The following ADGRA3 variants were observed in gnomAD, a reference collection of about 807,000 sequenced individuals.
The protein encoded by ADGRA3 is G-protein coupled receptor 125.
ADGRA3 carries 56 observed loss-of-function variants against 119.8 expected under a neutral mutation model. The ratio of observed to expected loss-of-function variants is 0.47; its 90% CI spans 0.38 to 0.58. ADGRA3 has a LOEUF of 0.58. Among genes scored for constraint, ADGRA3 ranks in the 20% least tolerant of loss-of-function variants. The pLI is 0.00. For missense variants in ADGRA3, 1,516 were observed against 1,649.0 expected (o/e 0.92, Z 1.40); for synonymous variants, 607 against 623.8 (o/e 0.97, Z 0.40).
chr4:22,403,297 A>G (rs945911935), intron 14 of ADGRA3, among the ~76,000 whole-genome samples: 1 of 152,078 alleles, frequency 6.6e-6, no homozygotes, highest in Non-Finnish European at 1.5e-5. Context: ...AGGGCATTGG[A>G]GACATAACGG....
chr4:22,507,651 G>A (rs980446307), intron 1 of ADGRA3, among the ~76,000 whole-genome samples: 9 of 152,184 alleles, frequency 5.9e-5, no homozygotes, highest in African/African-American at 2.2e-4. Flanking sequence ...ACTCCAAGCA[G>A]GCAAGAAACA....
At chr4:22,400,374 G>C (rs1370319549) in intron 16 of ADGRA3, among the ~76,000 whole-genome samples, 1 of 152,052 alleles carries the variant, frequency 6.6e-6, no homozygotes, top group East Asian at 1.9e-4. Flanking sequence ...ATAAAAAAGA[G>C]GAAAATCATA....
chr4:22,459,361 A>G (rs1053871907), intron 3 of ADGRA3, among the ~76,000 whole-genome samples: 12 of 152,144 alleles, frequency 7.9e-5, no homozygotes, highest in African/African-American at 2.9e-4. Flanking sequence ...AAAAACAACT[A>G]ATGAGTACTA....
At chr4:22,413,983 C>A in intron 12 of ADGRA3, 169 bp from the exon 13 acceptor site, 1 of 533,376 alleles carries the variant, frequency 1.9e-6, no homozygotes, top group Non-Finnish European at 3.3e-6. Context: ...GAAATGTCAA[C>A]ACCACATAAC....
chr4:22,505,709 A>G (rs1199569014), intron 1 of ADGRA3, among the ~76,000 whole-genome samples: 2 of 152,082 alleles, frequency 1.3e-5, no homozygotes, highest in African/African-American at 4.8e-5. Context: ...TTAGCAGAGT[A>G]TAACAATAGA....
At chr4:22,428,580 C>G (rs368294685) in intron 10 of ADGRA3, among the ~76,000 whole-genome samples, 13 of 152,184 alleles carry the variant, frequency 8.5e-5, no homozygotes, top group African/African-American at 3.1e-4. Context: ...ATAGAGGAAC[C>G]TACATTATCA....
At chr4:22,512,340 C>G (rs1420495823) in intron 1 of ADGRA3, among the ~76,000 whole-genome samples, 3 of 152,100 alleles carry the variant, frequency 2.0e-5, no homozygotes, top group Non-Finnish European at 4.4e-5. Flanking sequence ...ATTGACCATA[C>G]TGTTCTGAGA....
chr4:22,512,695 G>T (rs1347034895), intron 1 of ADGRA3, among the ~76,000 whole-genome samples: 1 of 152,188 alleles, frequency 6.6e-6, no homozygotes, highest in East Asian at 1.9e-4. Flanking sequence ...AGGAAAACCA[G>T]AAGATGAGAG....
At chr4:22,513,819 T>A (rs948994868) in intron 1 of ADGRA3, among the ~76,000 whole-genome samples, 1 of 141,676 alleles carries the variant, frequency 7.1e-6, no homozygotes, top group Non-Finnish European at 1.5e-5. Flanking sequence ...AACCTTAACT[T>A]TATTTTCATC....
chr4:22,424,206 A>C lies in ADGRA3; in HGVS notation c.1590T>G (p.Ala530=). Reference sequence around the variant, plus strand: ...TTACACTTACTGTTGAATAAACGTGAGCTCCACCGGCTAGCCGGTAGGTAG... The same window carrying C: ...TTACACTTACTGTTGAATAAACGTGCGCTCCACCGGCTAGCCGGTAGGTAG... The part of the protein sequence containing the change: ...RIATYRLAGG[A]HVYSTYSPNI... The change falls in exon 11 of 19, where the codon GCT becomes GCG. Residue 530 remains alanine (A), a synonymous_variant. Coordinates refer to ENST00000334304, the MANE Select transcript of ADGRA3 (RefSeq NM_145290.4). The C allele has an allele frequency of 6.2e-7, 1 of 1,610,870 alleles. No individual in the cohort carries two copies. Among genetic ancestry groups the C allele is most frequent in the African/African-American group, 1.3e-5 (1 of 74,994 alleles).
At chr4:22,469,516 TA>T (rs1717782342) in intron 2 of ADGRA3, among the ~76,000 whole-genome samples, 1 of 152,212 alleles carries the variant, frequency 6.6e-6, no homozygotes, top group Non-Finnish European at 1.5e-5. Flanking sequence ...CATCACCATC[TA>T]CAGCTTTAAG....
At chr4:22,456,293 T>C (rs1443909193) in intron 3 of ADGRA3, among the ~76,000 whole-genome samples, 1 of 152,132 alleles carries the variant, frequency 6.6e-6, no homozygotes, top group African/African-American at 2.4e-5. Context: ...GGTTTGGGTG[T>C]GTCTGTGAGG....
rs556464821 is a variant in ADGRA3 at position 22,412,763 on chromosome 4, C to T, written c.2232+419G>A. Among the ~76,000 whole-genome samples, 20 of 152,226 alleles carry T rather than the reference C, an allele frequency of 1.3e-4. No homozygotes were observed. The South Asian group carries it at 4.1e-3, about 32-fold the overall frequency. ...GATTAATTCTAAATTTAAATAGAGTCTAACAATTACGACATGTAGTGGGAA... is the reference window on the plus strand; with the variant it reads ...GATTAATTCTAAATTTAAATAGAGTTTAACAATTACGACATGTAGTGGGAA... On this transcript the variant is annotated intron_variant, in intron 14 of 18. Coordinates refer to ENST00000334304, the MANE Select transcript of ADGRA3 (RefSeq NM_145290.4).
intron 1 of ADGRA3, among the ~76,000 whole-genome samples, chr4:22,489,213 A>C (rs752355243): frequency 9.9e-5 from 15 of 152,178 alleles, no homozygotes; most frequent in Non-Finnish European, 8.8e-5. Context: ...AAACCGTCAG[A>C]TCTCATGAGA....
chr4:22,476,729 C>A (rs769754913), intron 1 of ADGRA3, among the ~76,000 whole-genome samples: 1 of 151,514 alleles, frequency 6.6e-6, no homozygotes. Flanking sequence ...TACAGTGGCA[C>A]GATCTCAATT....
chr4:22,495,445 T>G (rs556211183), intron 1 of ADGRA3, among the ~76,000 whole-genome samples: 208 of 152,138 alleles, frequency 1.4e-3, no homozygotes, highest in Non-Finnish European at 2.6e-3. Flanking sequence ...TTCTGGAATT[T>G]TCCATTTAAC....
intron 14 of ADGRA3, among the ~76,000 whole-genome samples, chr4:22,405,438 T>C (rs1340895234): frequency 6.6e-6 from 1 of 151,460 alleles, no homozygotes; most frequent in South Asian, 2.1e-4. Context: ...CCCAGCTACT[T>C]GGGAGGCTGA....
chr4:22,450,477 G>A (rs181858054), intron 4 of ADGRA3, among the ~76,000 whole-genome samples: 10 of 152,040 alleles, frequency 6.6e-5, no homozygotes, highest in Admixed American at 6.6e-4. Context: ...TGTTAGCCAG[G>A]CTGGTCTCGA....
At position 22,441,587 on chromosome 4, in the gene ADGRA3, A is replaced by T. The variant is rs371070876; in HGVS notation, c.920+1063T>A. Among the ~76,000 whole-genome samples the T allele has an allele frequency of 3.9e-5, 6 of 152,312 alleles. No individual in the cohort carries two copies. In the East Asian group the frequency reaches 1.2e-3, roughly 29 times the overall value. Reference sequence around the variant, plus strand: ...GGGCCAGATTTGGTTCATAGACTGTACCTAGCCAGCTTCTCCTCCACAGCA... The same window carrying T: ...GGGCCAGATTTGGTTCATAGACTGTTCCTAGCCAGCTTCTCCTCCACAGCA... On this transcript the variant is annotated intron_variant, in intron 7 of 18. Transcript: ENST00000334304.
Sources: allele counts gnomAD v4.1 joint callset (sites outside exome capture counted in the v4.1 genomes callset), GRCh38; gene constraint gnomAD v4.1.1; transcripts MANE v1.5; gene names NCBI Gene and HGNC (gene_info 2026-07-23, HGNC 2026-07-21).